The following ZFHX3 variants were observed in gnomAD, a reference collection of about 807,000 sequenced individuals.
ZFHX3 encodes the protein zinc finger homeobox 3.
ZFHX3 carries 42 observed loss-of-function variants against 279.1 expected under a neutral mutation model. That is an observed-to-expected ratio of 0.15 (90% CI 0.12 to 0.19). The LOEUF is 0.19. ZFHX3 is among the 10% of genes least tolerant of loss of function. The pLI is 1.00. For missense variants in ZFHX3, 4,981 were observed against 4,754.0 expected, an observed-to-expected ratio of 1.05 and a Z score of -1.40; for synonymous variants, 2,293 against 1,957.8, an observed-to-expected ratio of 1.17 and a Z score of -4.52.
At chr16:73,511,314 C>G (rs914153740) in intron 2 of ZFHX3, among the ~76,000 whole-genome samples, 1 of 152,210 alleles carries the variant, frequency 6.6e-6, no homozygotes, top group Non-Finnish European at 1.5e-5. Context: ...TGACCTCACT[C>G]CTATCATCTG....
Position 72,787,285 on chromosome 16 carries a change from G to T in ZFHX3, c.10991C>A (p.Ser3664Tyr). 6.2e-7 allele frequency: 1 copy of T among 1,614,060 alleles called. No homozygotes were observed. Among genetic ancestry groups the T allele is most frequent in the Non-Finnish European group, 8.5e-7 (1 of 1,180,014 alleles). The change falls in exon 10 of 10, where the codon TCT (serine) becomes TAT (tyrosine). Residue 3664 changes from serine (S) to tyrosine (Y), a missense_variant. This residue lies in a region of ZFHX3 where 1,034 missense variants were observed against 786.0 expected (regional missense o/e 1.32). Coordinates refer to ENST00000268489, the MANE Select transcript of ZFHX3 (RefSeq NM_006885.4). ...GGACTTTTGGCTGAGATCCGTGTCA[G>T]ACTCCTCCGAATAGTCGTCTGTTGG... ...SMPTDDYSEE[S>Y]DTDLSQKSDG...
intron 1 of ZFHX3, among the ~76,000 whole-genome samples, chr16:72,975,649 A>G (rs1962317974): frequency 6.6e-6 from 1 of 152,214 alleles, no homozygotes; most frequent in African/African-American, 2.4e-5. Flanking sequence ...AGCGGCCCTG[A>G]TAGTTAGCTA....
chr16:73,048,155 G>GCACCGCC (rs1250979390), upstream of ZFHX3: 1 of 153,186 alleles, frequency 6.5e-6, no homozygotes, highest in East Asian at 1.9e-4. Flanking sequence ...TTTGCAGCGC[G>GCACCGCC]CACCGCCCGG....
At position 72,950,652 on chromosome 16, in the gene ZFHX3, C is replaced by T; in HGVS notation, c.3033G>A (p.Lys1011=). 1 of 1,614,220 alleles carries T rather than the reference C, an allele frequency of 6.2e-7. No individual in the cohort carries two copies. Among genetic ancestry groups the T allele is most frequent in the South Asian group, 1.1e-5 (1 of 91,090 alleles). ...CCTTGATGTGGGCCACCAGCTGGTA[C>T]TTCTGCACGTGCTTGTCTGTCTTGC... is the stretch of plus-strand genomic sequence containing the variant. The part of the protein sequence containing the change: ...LHCKTDKHVQ[K]YQLVAHIKEG... The change falls in exon 3 of 10, where the codon AAG becomes AAA. Residue 1011 remains lysine, a synonymous_variant. Coordinates refer to ENST00000268489, the MANE Select transcript of ZFHX3 (RefSeq NM_006885.4).
rs200057022 is a variant in ZFHX3, at chr16:72,957,412, C to T, written c.2719+15G>A. 6.9e-6 allele frequency: 11 copies of T among 1,587,286 alleles called. No homozygotes were observed. The East Asian group carries it at 1.1e-4, about 16-fold the overall frequency. On this transcript the variant is annotated intron_variant, in intron 2 of 9. Coordinates refer to ENST00000268489, the MANE Select transcript of ZFHX3 (RefSeq NM_006885.4). ...CTCCTATCATGAAAACAGACAAACA[C>T]GTAGTCATCCTCACCTAGAGCAGGC...
intron 1 of ZFHX3, among the ~76,000 whole-genome samples, chr16:73,787,337 T>C (rs989688665): frequency 2.6e-5 from 4 of 152,200 alleles, no homozygotes; most frequent in African/African-American, 7.2e-5. Context: ...ACACTGTGAT[T>C]AAAATGCACT....
chr16:73,316,768 T>A (rs2015459074), intron 4 of ZFHX3, among the ~76,000 whole-genome samples: 1 of 152,180 alleles, frequency 6.6e-6, no homozygotes, highest in African/African-American at 2.4e-5. Context: ...ACATTCACGC[T>A]GCACTCCTGA....
intron 3 of ZFHX3, among the ~76,000 whole-genome samples, chr16:73,337,896 G>GGGGC (rs1555510899): frequency 6.9e-6 from 1 of 145,316 alleles, no homozygotes; most frequent in Non-Finnish European, 1.5e-5. Flanking sequence ...CCTTGGCGGG[G>GGGGC]GGGGGGGTCC....
Position 72,786,364 on chromosome 16 carries a change from T to C in ZFHX3, c.*800A>G, listed in dbSNP as rs1417011017. On this transcript the variant is annotated 3_prime_UTR_variant, in exon 10 of 10. Transcript: ENST00000268489. ...ATACAGAAAGTCAGTTTTTAAAACTTATTTTTTTTAAGCTACAAGTCCTCA... is the reference window on the plus strand; with the variant it reads ...ATACAGAAAGTCAGTTTTTAAAACTCATTTTTTTTAAGCTACAAGTCCTCA... 2 of 152,230 alleles carry C rather than the reference T, an allele frequency of 1.3e-5. No individual in the cohort carries two copies. The highest frequency in any genetic ancestry group is 2.4e-5 in the African/African-American group (1 of 41,372). 9.4% of individuals were successfully genotyped at this position (152,230 alleles called of 1,614,324 possible). A position where few individuals can be genotyped will look rare whatever the true frequency, so the allele number is the denominator to read the frequency against.
At chr16:73,494,428 G>C (rs1175103154) in intron 2 of ZFHX3, among the ~76,000 whole-genome samples, 1 of 152,068 alleles carries the variant, frequency 6.6e-6, no homozygotes, top group African/African-American at 2.4e-5. Flanking sequence ...GAATCAATTT[G>C]CCTCTTCCAT....
intron 3 of ZFHX3, among the ~76,000 whole-genome samples, chr16:73,406,846 GCAGCCTTAT>G (rs1222583982): frequency 6.6e-6 from 1 of 152,138 alleles, no homozygotes; most frequent in East Asian, 1.9e-4. Flanking sequence ...TTTTCTTTTT[GCAGCCTTAT>G]CATCTTGAGC....
chr16:73,119,015 G>A (rs916961988), intron 7 of ZFHX3, among the ~76,000 whole-genome samples: 1 of 152,138 alleles, frequency 6.6e-6, no homozygotes, highest in Non-Finnish European at 1.5e-5. Context: ...CTTTCAGGGT[G>A]GGCACTGTGT....
At chr16:73,098,495 G>A (rs150850928) in intron 7 of ZFHX3, among the ~76,000 whole-genome samples, 2 of 152,258 alleles carry the variant, frequency 1.3e-5, no homozygotes, top group African/African-American at 4.8e-5. Context: ...CTGAGTAGCT[G>A]GGATGACAGG....
In ZFHX3 at chr16:73,003,836, A is replaced by G. The variant is rs115535826; in HGVS notation, c.-49-43642T>C. ...GGGGGTCAGGAATTCACGGGGGGAA[A>G]AGCTACACATTTAAATAAACCTTAA... On this transcript the variant is annotated intron_variant, in intron 1 of 9. Coordinates refer to ENST00000268489, the MANE Select transcript of ZFHX3 (RefSeq NM_006885.4). Among the ~76,000 whole-genome samples the G allele has an allele frequency of 8.7e-3, 1,319 of 152,224 alleles. 22 individuals are homozygous for G. Among genetic ancestry groups the G allele is most frequent in the African/African-American group, 0.03 (1,231 of 41,522 alleles).
intron 1 of ZFHX3, among the ~76,000 whole-genome samples, chr16:73,887,442 TAA>T (rs1567440656): frequency 1.3e-5 from 2 of 152,204 alleles, no homozygotes; most frequent in African/African-American, 4.8e-5. Flanking sequence ...ACATGTTCTA[TAA>T]AGATGAAAGC....
At chr16:73,756,058 C>T (rs1336328572) in intron 1 of ZFHX3, among the ~76,000 whole-genome samples, 1 of 151,662 alleles carries the variant, frequency 6.6e-6, no homozygotes, top group East Asian at 1.9e-4. Context: ...CAGGGTTCCT[C>T]CATGGCTGAC....
At chr16:73,274,365 C>T (rs2014236446) in intron 4 of ZFHX3, among the ~76,000 whole-genome samples, 1 of 152,126 alleles carries the variant, frequency 6.6e-6, no homozygotes, top group Non-Finnish European at 1.5e-5. Context: ...GGTTTGTATA[C>T]AGTCAAACTT....
chr16:73,110,082 T>C (rs980441012), intron 7 of ZFHX3, among the ~76,000 whole-genome samples: 3 of 150,942 alleles, frequency 2.0e-5, no homozygotes, highest in African/African-American at 4.9e-5. Flanking sequence ...CTACTAAAAA[T>C]ACAAAAAGCT....
intron 3 of ZFHX3, 31 bp downstream of exon 3, chr16:72,950,437 GA>G (rs138232886): frequency 0.018 from 29,509 of 1,598,110 alleles, 1,010 homozygotes; most frequent in East Asian, 0.14. Context: ...CTTTCAGAAA[GA>G]GCGCCTGAGC....
Sources: gnomAD v4.1 joint callset for allele counts (sites outside exome capture counted in the v4.1 genomes callset) on GRCh38, gnomAD v4.1.1 for gene constraint, gnomAD v4.1.1 regional missense constraint, MANE v1.5 for transcripts, NCBI Gene and HGNC (gene_info 2026-07-23, HGNC 2026-07-21) for gene names.